PRIMA1: variants seen among roughly 807,000 people sequenced by gnomAD.
PRIMA1 encodes the protein proline-rich membrane anchor 1.
A neutral mutation model predicts 17.5 loss-of-function variants in PRIMA1; 7 were observed. The ratio of observed to expected loss-of-function variants is 0.40; its 90% CI spans 0.23 to 0.75. The LOEUF is 0.75. Ranked by LOEUF, PRIMA1 falls within the 30% of genes least tolerant of loss-of-function variation. PRIMA1 has a pLI of 0.37. For synonymous variants in PRIMA1, 97 were observed against 77.9 expected (o/e 1.25, Z -1.29); for missense variants, 200 against 201.8 (o/e 0.99, Z 0.05).
At chr14:93,751,883 T>C (rs566612775) in intron 3 of PRIMA1, among the ~76,000 whole-genome samples, 1 of 152,378 alleles carries the variant, frequency 6.6e-6, no homozygotes, top group Admixed American at 6.5e-5. Flanking sequence ...CACATGTGGC[T>C]ACTTAAATTT....
chr14:93,741,018 C>T (rs1268139118), intron 3 of PRIMA1, among the ~76,000 whole-genome samples: 1 of 152,170 alleles, frequency 6.6e-6, no homozygotes, highest in Non-Finnish European at 1.5e-5. Context: ...CAGTATCCTG[C>T]ACAGGGTCCC....
Position 93,769,283 on chromosome 14 carries a change from T to C in PRIMA1, c.229+9893A>G, listed in dbSNP as rs925468787. Among the ~76,000 whole-genome samples, 4 of 152,216 alleles carry C rather than the reference T, an allele frequency of 2.6e-5. No individual in the cohort carries two copies. The South Asian group carries it at 8.3e-4, about 31-fold the overall frequency. ...TCCAGGGCTGGGCCAGGACCTCGCATGTGTGATTTGCACAACCCACTTTGG... is the reference window on the plus strand; with the variant it reads ...TCCAGGGCTGGGCCAGGACCTCGCACGTGTGATTTGCACAACCCACTTTGG... On this transcript the variant is annotated intron_variant, in intron 3 of 4. Transcript: ENST00000393140.
chr14:93,761,189 T>C (rs1383779176), intron 3 of PRIMA1, among the ~76,000 whole-genome samples: 1 of 151,108 alleles, frequency 6.6e-6, no homozygotes, highest in Non-Finnish European at 1.5e-5. Flanking sequence ...CTACTAAAAA[T>C]ACAAAAAAAA....
At chr14:93,765,178 C>T (rs1038583812) in intron 3 of PRIMA1, among the ~76,000 whole-genome samples, 1 of 152,038 alleles carries the variant, frequency 6.6e-6, no homozygotes, top group African/African-American at 2.4e-5. Context: ...CATGGCCCCA[C>T]ATGCTCCCAG....
At chr14:93,764,699 A>C (rs1203909771) in intron 3 of PRIMA1, among the ~76,000 whole-genome samples, 3 of 152,172 alleles carry the variant, frequency 2.0e-5, no homozygotes, top group Non-Finnish European at 4.4e-5. Context: ...ATGCTGATGC[A>C]CTTTTTTGAG....
chr14:93,737,892 A>G (rs2076161373), intron 3 of PRIMA1, among the ~76,000 whole-genome samples: 2 of 152,082 alleles, frequency 1.3e-5, no homozygotes, highest in South Asian at 4.2e-4. Flanking sequence ...CCCATAAAAA[A>G]TAACAGAGCA....
In PRIMA1 at chr14:93,786,987, T is replaced by C. The variant is rs539879550; in HGVS notation, c.93+639A>G. Among the ~76,000 whole-genome samples, 3 of 152,246 alleles carry C rather than the reference T, an allele frequency of 2.0e-5. No individual in the cohort carries two copies. The East Asian group carries it at 5.8e-4, about 30-fold the overall frequency. Reference sequence around the variant, plus strand: ...AGAGCTGACATCGAAGTCCACCTTGTCACCTCTCCACTGTACCAGTGACGA... The same window carrying C: ...AGAGCTGACATCGAAGTCCACCTTGCCACCTCTCCACTGTACCAGTGACGA... On this transcript the variant is annotated intron_variant, in intron 2 of 4. Coordinates refer to ENST00000393140, the MANE Select transcript of PRIMA1 (RefSeq NM_178013.4).
chr14:93,760,975 G>A (rs190822310), intron 3 of PRIMA1, among the ~76,000 whole-genome samples: 39 of 151,914 alleles, frequency 2.6e-4, no homozygotes, highest in African/African-American at 9.2e-4. Context: ...GCCAGTGATT[G>A]TCTTAAGAAG....
At chr14:93,748,913 C>T (rs2076243831) in intron 3 of PRIMA1, among the ~76,000 whole-genome samples, 1 of 152,068 alleles carries the variant, frequency 6.6e-6, no homozygotes, top group South Asian at 2.1e-4. Context: ...GCAGCCTCAG[C>T]TTTTCCCGGT....
Position 93,767,158 on chromosome 14 carries a change from G to A in PRIMA1, c.229+12018C>T, listed in dbSNP as rs1377356423. Among the ~76,000 whole-genome samples, 3 of 152,224 alleles carry A rather than the reference G, an allele frequency of 2.0e-5. No individual in the cohort carries two copies. In the East Asian group the frequency reaches 5.8e-4, roughly 29 times the overall value. On this transcript the variant is annotated intron_variant, in intron 3 of 4. Transcript: ENST00000393140. ...TGAAGGGGGTGGGCAGACCAAGAAG[G>A]TGATACTGATCAGAAATAGCAAACG...
At chr14:93,747,762 G>A (rs547431802) in intron 3 of PRIMA1, among the ~76,000 whole-genome samples, 5 of 148,182 alleles carry the variant, frequency 3.4e-5, no homozygotes, top group African/African-American at 1.3e-4. Context: ...GAGTGCAAGT[G>A]TGTGGGAGAG....
intron 2 of PRIMA1, among the ~76,000 whole-genome samples, chr14:93,784,883 C>G (rs993705457): frequency 1.6e-4 from 25 of 152,170 alleles, no homozygotes; most frequent in African/African-American, 6.0e-4. Context: ...GCCCCTTGCA[C>G]TTAACAAAGG....
rs2076035303 is a variant in PRIMA1 at position 93,721,179 on chromosome 14, G to A, written c.*265C>T. 1 of 465,860 alleles carries A rather than the reference G, an allele frequency of 2.1e-6. No homozygotes were observed. Among genetic ancestry groups the A allele is most frequent in the Non-Finnish European group, 3.8e-6 (1 of 261,108 alleles). The allele number at this position is 465,860 out of a possible 1,614,324, so 28.9% of individuals were successfully genotyped here. A position where few individuals can be genotyped will look rare whatever the true frequency, so the allele number is the denominator to read the frequency against. ...GGGGCAGTCGACAGACCAGACACCA[G>A]ACAGGGAGGAGGATGTGGAGGGCCT... On this transcript the variant is annotated 3_prime_UTR_variant, in exon 5 of 5. Coordinates refer to ENST00000393140, the MANE Select transcript of PRIMA1 (RefSeq NM_178013.4).
chr14:93,747,743 A>T (rs1161958459), intron 3 of PRIMA1, among the ~76,000 whole-genome samples: 1 of 148,260 alleles, frequency 6.7e-6, no homozygotes, highest in Non-Finnish European at 1.5e-5. Flanking sequence ...TGCGAGTGGG[A>T]AGTGTGTGGA....
chr14:93,770,328 C>T (rs1885022174), intron 3 of PRIMA1, among the ~76,000 whole-genome samples: 1 of 152,222 alleles, frequency 6.6e-6, no homozygotes, highest in Non-Finnish European at 1.5e-5. Context: ...CTTCTGGCTG[C>T]ACTTCAGATA....
intron 3 of PRIMA1, among the ~76,000 whole-genome samples, chr14:93,738,700 C>T (rs987471046): frequency 4.1e-4 from 63 of 152,240 alleles, no homozygotes; most frequent in Middle Eastern, 3.4e-3. Flanking sequence ...GAAATGCACC[C>T]CCCATCTTAA....
chr14:93,769,390 C>A (rs1337809559), intron 3 of PRIMA1, among the ~76,000 whole-genome samples: 1 of 152,214 alleles, frequency 6.6e-6, no homozygotes, highest in East Asian at 1.9e-4. Context: ...GGCCTCCAGG[C>A]CCTCCTGCTT....
upstream of PRIMA1, among the ~76,000 whole-genome samples, chr14:93,788,821 C>A (rs959341865): frequency 1.3e-5 from 2 of 152,066 alleles, no homozygotes; most frequent in East Asian, 3.9e-4. Context: ...GTCTCCTCCA[C>A]GCCGCCTGGA....
intron 2 of PRIMA1, among the ~76,000 whole-genome samples, chr14:93,783,787 T>G (rs948263625): frequency 6.6e-6 from 1 of 152,024 alleles, no homozygotes; most frequent in Non-Finnish European, 1.5e-5. Context: ...TGTCCTGGAG[T>G]CCCCTGGATT....
Sources: gnomAD v4.1 joint callset for allele counts (sites outside exome capture counted in the v4.1 genomes callset) on GRCh38, gnomAD v4.1.1 for gene constraint, MANE v1.5 for transcripts, NCBI Gene and HGNC (gene_info 2026-07-23, HGNC 2026-07-21) for gene names.